Variants in DCUN1D1 observed in about 807,000 individuals in gnomAD.
DCUN1D1 encodes the protein defective in cullin neddylation 1 domain containing 1, also known as DCN1-like protein 1.
A neutral mutation model predicts 39.0 loss-of-function variants in DCUN1D1; 3 were observed. The ratio of observed to expected loss-of-function variants is 0.08; its 90% confidence interval spans 0.04 to 0.20. DCUN1D1 has a LOEUF of 0.20. DCUN1D1 is among the 10% of genes least tolerant of loss of function. The pLI is 1.00. For missense variants in DCUN1D1, 158 were observed against 302.4 expected, an observed-to-expected ratio of 0.52 and a Z score of 3.54; for synonymous variants, 82 against 96.3, an observed-to-expected ratio of 0.85 and a Z score of 0.87.
intron 1 of DCUN1D1, among the ~76,000 whole-genome samples, chr3:182,979,604 C>A (rs910248901): frequency 8.9e-5 from 13 of 145,424 alleles, no homozygotes; most frequent in African/African-American, 2.9e-4. Context: ...ACTTTTTCCC[C>A]CCCCCAAACA....
In DCUN1D1 at chr3:182,964,059, T is replaced by G. The variant is rs548809578; in HGVS notation, c.221-10A>C. On this transcript the variant is annotated splice_polypyrimidine_tract_variant and intron_variant, in intron 2 of 6. Transcript: ENST00000292782. ...TTCTCATCTTGAGGGTCTTTAAAAATAACAATGCAATATTAAAGTAGTGTC... is the reference window on the plus strand; with the variant it reads ...TTCTCATCTTGAGGGTCTTTAAAAAGAACAATGCAATATTAAAGTAGTGTC... 13 of 1,606,020 alleles carry G rather than the reference T, an allele frequency of 8.1e-6. No homozygotes were observed. In the East Asian group the frequency reaches 2.9e-4, roughly 36 times the overall value.
intron 4 of DCUN1D1, among the ~76,000 whole-genome samples, chr3:182,948,647 TA>T (rs1726542562): frequency 6.6e-6 from 1 of 152,200 alleles, no homozygotes; most frequent in Admixed American, 6.5e-5. Context: ...CTAAGTAACT[TA>T]AAAGTCCTTT....
At chr3:182,964,077 G>C in intron 2 of DCUN1D1, 28 bp from the exon 3 acceptor site, 1 of 1,574,592 alleles carries the variant, frequency 6.4e-7, no homozygotes, top group Non-Finnish European at 8.7e-7. Context: ...CAATATTAAA[G>C]TAGTGTCATA....
At chr3:182,980,318 G>A (rs1728473792) in intron 1 of DCUN1D1, among the ~76,000 whole-genome samples, 169 bp downstream of exon 1, 1 of 151,760 alleles carries the variant, frequency 6.6e-6, no homozygotes, top group African/African-American at 2.4e-5. Context: ...AGGGGCGAAG[G>A]AGGAAGGGAG....
rs1726191871 is a variant in DCUN1D1, at chr3:182,942,691, G to A, written c.*2403C>T. 1 of 152,140 alleles carries A rather than the reference G, an allele frequency of 6.6e-6. No individual in the cohort carries two copies. The highest frequency in any genetic ancestry group is 1.5e-5 in the Non-Finnish European group (1 of 68,008). 9.4% of individuals were successfully genotyped at this position (152,140 alleles called of 1,614,324 possible). On this transcript the variant is annotated 3_prime_UTR_variant, in exon 7 of 7. Transcript: ENST00000292782. ...TTAAAGCAATTCAAGGGGCGTGTGT[G>A]TGTCTCTCCCTTTCTCTGTCAATCT...
chr3:182,961,049 C>G (rs1360435642), intron 4 of DCUN1D1, among the ~76,000 whole-genome samples, 177 bp downstream of exon 4: 1 of 152,108 alleles, frequency 6.6e-6, no homozygotes, highest in Non-Finnish European at 1.5e-5. Context: ...CCAGGGTAAA[C>G]TTACTCAATG....
chr3:182,963,246 T>A (rs1009969327), intron 3 of DCUN1D1, among the ~76,000 whole-genome samples: 6 of 152,140 alleles, frequency 3.9e-5, no homozygotes, highest in Admixed American at 6.5e-5. Context: ...TGTGAAGAGG[T>A]AGGAGAAGTA....
chr3:182,980,203 G>A (rs1728467664), intron 1 of DCUN1D1: 2 of 393,430 alleles, frequency 5.1e-6, no homozygotes, highest in Non-Finnish European at 6.9e-6. Context: ...CCCGGCAAGG[G>A]GCACCGGGGC....
rs530306373 is a variant in DCUN1D1, at chr3:182,963,174, T to C, written c.389+707A>G. Among the ~76,000 whole-genome samples, 2 of 152,322 alleles carry C rather than the reference T, an allele frequency of 1.3e-5. 1 individual carries two copies. The highest frequency in any genetic ancestry group is 3.9e-4 in the East Asian group (2 of 5,192). ...TCTAATACTACCTAATTCTATAATT[T>C]CTCTGTACCTCAATTTCTTCATCTC... On this transcript the variant is annotated intron_variant, in intron 3 of 6. Transcript: ENST00000292782.
At chr3:182,981,008 G>C (rs1464027848), upstream of DCUN1D1, 1 of 152,250 alleles carries the variant, frequency 6.6e-6, no homozygotes, top group African/African-American at 2.4e-5. Context: ...AAAGGGAGAA[G>C]ATAGTGGAAA....
intron 3 of DCUN1D1, among the ~76,000 whole-genome samples, chr3:182,962,989 A>G (rs893788331): frequency 1.3e-5 from 2 of 152,108 alleles, no homozygotes; most frequent in African/African-American, 4.8e-5. Flanking sequence ...CATGTTGGTC[A>G]AGCTGGTCTC....
At chr3:182,951,687 A>T (rs1309436387) in intron 4 of DCUN1D1, among the ~76,000 whole-genome samples, 7 of 148,416 alleles carry the variant, frequency 4.7e-5, no homozygotes, top group Non-Finnish European at 1.0e-4. Flanking sequence ...TTGTAAAAGA[A>T]GATAATTTCT....
intron 1 of DCUN1D1, among the ~76,000 whole-genome samples, chr3:182,974,628 A>G (rs1319072378): frequency 6.6e-6 from 1 of 152,114 alleles, no homozygotes; most frequent in East Asian, 1.9e-4. Flanking sequence ...CTCAAATCCT[A>G]AATCAGGAAG....
intron 1 of DCUN1D1, 39 bp downstream of exon 1, chr3:182,980,448 C>A: frequency 1.8e-6 from 2 of 1,107,256 alleles, no homozygotes; most frequent in Non-Finnish European, 2.2e-6. Flanking sequence ...AGCGCCGGCC[C>A]CCAGCCGGCA....
In DCUN1D1 at chr3:182,947,165, T is replaced by C. The variant is rs1041545203; in HGVS notation, c.700+73A>G. 5.3e-6 allele frequency: 4 copies of C among 758,898 alleles called. No individual in the cohort carries two copies. In the East Asian group the frequency reaches 1.1e-4, roughly 21 times the overall value. The allele number at this position is 758,898 out of a possible 1,614,324, so 47.0% of individuals were successfully genotyped here. A position where few individuals can be genotyped will look rare whatever the true frequency, so the allele number is the denominator to read the frequency against. ...ATTCCAACTCCGAGAAAAACAAAAG[T>C]ACCTAAGAAGTTCAAGGGTATGGGA... On this transcript the variant is annotated intron_variant, in intron 6 of 6. Transcript: ENST00000292782.
chr3:182,969,056 C>A (rs1243068605), intron 1 of DCUN1D1, among the ~76,000 whole-genome samples: 1 of 152,184 alleles, frequency 6.6e-6, no homozygotes, highest in African/African-American at 2.4e-5. Flanking sequence ...TCCAGCTAAG[C>A]CAAGTGATAT....
At chr3:182,978,652 G>C (rs575060045) in intron 1 of DCUN1D1, among the ~76,000 whole-genome samples, 1 of 152,188 alleles carries the variant, frequency 6.6e-6, no homozygotes, top group Non-Finnish European at 1.5e-5. Flanking sequence ...TGGGATTACA[G>C]GCATGAGCCA....
rs1032522795 is a variant in DCUN1D1 at position 182,969,250 on chromosome 3, C to A, written c.4-3497G>T. Among the ~76,000 whole-genome samples the A allele has an allele frequency of 2.0e-5, 3 of 152,288 alleles. No homozygotes were observed. In the South Asian group the frequency reaches 6.2e-4, roughly 32 times the overall value. On this transcript the variant is annotated intron_variant, in intron 1 of 6. Coordinates refer to ENST00000292782, the MANE Select transcript of DCUN1D1 (RefSeq NM_020640.4). ...TAGAATAAAGCTGGAGTATACCTGA[C>A]CAATTTAGGGGAGCTGTAACACTCC...
In DCUN1D1 at chr3:182,942,853, T is replaced by G. The variant is rs933703405; in HGVS notation, c.*2241A>C. On this transcript the variant is annotated 3_prime_UTR_variant, in exon 7 of 7. Coordinates refer to ENST00000292782, the MANE Select transcript of DCUN1D1 (RefSeq NM_020640.4). Reference sequence around the variant, plus strand: ...TAATCACACCACATTAAATCAGTCTTCTCTTTTCAGCCCTAGTAAAAGTTT... The same window carrying G: ...TAATCACACCACATTAAATCAGTCTGCTCTTTTCAGCCCTAGTAAAAGTTT... 3 of 151,588 alleles carry G rather than the reference T, an allele frequency of 2.0e-5. No individual in the cohort carries two copies. Among genetic ancestry groups the G allele is most frequent in the Non-Finnish European group, 4.4e-5 (3 of 67,790 alleles). The allele number at this position is 151,588 out of a possible 1,614,324, so 9.4% of individuals were successfully genotyped here.
Sources: allele counts gnomAD v4.1 joint callset (sites outside exome capture counted in the v4.1 genomes callset), GRCh38; gene constraint gnomAD v4.1.1; transcripts MANE v1.5; gene names NCBI Gene and HGNC (gene_info 2026-07-23, HGNC 2026-07-21).